Variants in PDE11A observed in about 807,000 individuals in gnomAD.
The protein encoded by PDE11A is dual 3',5'-cyclic-AMP and -GMP phosphodiesterase 11A.
Under a neutral mutation model 100.5 loss-of-function variants are expected in PDE11A, and 100 were observed. The ratio of observed to expected loss-of-function variants is 1.00; its 90% confidence interval spans 0.85 to 1.18. The LOEUF is 1.18. Ranked by LOEUF, PDE11A falls within the 50% of genes most tolerant of loss-of-function variation. The pLI is 0.00. For synonymous variants in PDE11A, 381 were observed against 420.8 expected (o/e 0.91, Z 1.16); for missense variants, 1,141 against 1,152.6 (o/e 0.99, Z 0.15).
In PDE11A at chr2:178,072,283, C is replaced by G. The variant is rs77972073; in HGVS notation, c.155G>C (p.Arg52Thr). ...GCTGCTGGTACCAGCCAAAGAGGGC[C>G]TTGGACCTAAAGCCCCCTGACCCTG... ...HSQGQGALGPRPSLAGTSSLA... is the reference protein window; with the variant it reads ...HSQGQGALGPTPSLAGTSSLA... The change falls in exon 1 of 20, where the codon AGG becomes ACG. Residue 52 changes from arginine to threonine, a missense_variant. Transcript: ENST00000286063. 2.1e-3 allele frequency: 3,359 copies of G among 1,613,918 alleles called. 6 individuals carry two copies. The highest frequency in any genetic ancestry group is 2.6e-3 in the Non-Finnish European group (3,095 of 1,179,898).
chr2:177,727,781 G>A lies in PDE11A; in HGVS notation c.1936-16C>T, dbSNP rs780853421. 6.8e-7 allele frequency: 1 copy of A among 1,462,210 alleles called. No individual in the cohort carries two copies. The highest frequency in any genetic ancestry group is 1.7e-5 in the Admixed American group (1 of 59,784). 90.6% of individuals were successfully genotyped at this position (1,462,210 alleles called of 1,614,324 possible). ...TACACAGTGTCTGAAATGGGAGGGA[G>A]AGGGTGCGTCAGGCAGTTGTAAGTG... On this transcript the variant is annotated splice_polypyrimidine_tract_variant and intron_variant, in intron 11 of 19. Transcript: ENST00000286063.
At chr2:178,099,446 G>GAAAAA (rs201692711) in intron 2 of PDE11A, among the ~76,000 whole-genome samples, 3 of 84,544 alleles carry the variant, frequency 3.5e-5, no homozygotes, top group Non-Finnish European at 7.1e-5. Context: ...CATCTCAAGA[G>GAAAAA]AAAAAAAAAA....
At chr2:178,098,458 A>G (rs1045934657) in intron 2 of PDE11A, among the ~76,000 whole-genome samples, 2 of 152,340 alleles carry the variant, frequency 1.3e-5, no homozygotes, top group South Asian at 2.1e-4. Context: ...AACAACATAC[A>G]TAAGTGGTAA....
At chr2:177,924,739 T>A (rs965717084) in intron 2 of PDE11A, among the ~76,000 whole-genome samples, 50 of 152,012 alleles carry the variant, frequency 3.3e-4, no homozygotes, top group Admixed American at 5.9e-4. Context: ...TTTTTTTTTT[T>A]TTATTATACT....
intron 1 of PDE11A, among the ~76,000 whole-genome samples, chr2:178,036,313 A>AC (rs1354638879): frequency 1.5e-3 from 222 of 152,168 alleles, no homozygotes; most frequent in Non-Finnish European, 1.9e-3. Context: ...AATACAACTT[A>AC]AAGGGACGTG....
At chr2:177,825,366 C>T (rs567437804) in intron 6 of PDE11A, among the ~76,000 whole-genome samples, 1 of 152,242 alleles carries the variant, frequency 6.6e-6, no homozygotes, top group Non-Finnish European at 1.5e-5. Context: ...TGGTGATGAT[C>T]AACATGCTTG....
chr2:177,954,316 T>C (rs2085535584), intron 2 of PDE11A, among the ~76,000 whole-genome samples: 1 of 152,110 alleles, frequency 6.6e-6, no homozygotes, highest in Non-Finnish European at 1.5e-5. Flanking sequence ...ATTACTCATT[T>C]CCATCATTCT....
chr2:177,859,649 C>G (rs1301093469), intron 5 of PDE11A, among the ~76,000 whole-genome samples: 1 of 151,596 alleles, frequency 6.6e-6, no homozygotes, highest in Admixed American at 6.6e-5. Context: ...AGCACTCCAC[C>G]TAATGGCAGA....
chr2:178,026,516 C>T (rs1285400807), intron 1 of PDE11A, among the ~76,000 whole-genome samples: 1 of 151,902 alleles, frequency 6.6e-6, no homozygotes, highest in Admixed American at 6.6e-5. Context: ...CAAAAATTAG[C>T]TGGGCGTGAT....
chr2:177,939,529 G>GAGGA (rs72249265), intron 2 of PDE11A, among the ~76,000 whole-genome samples: 21,802 of 100,158 alleles, frequency 0.22, 2,557 homozygotes, highest in Non-Finnish European at 0.26. Flanking sequence ...GGGAGGGAGG[G>GAGGA]AGGAAGGAAG....
chr2:177,771,466 C>T (rs905064344), intron 9 of PDE11A, among the ~76,000 whole-genome samples: 7 of 152,140 alleles, frequency 4.6e-5, no homozygotes, highest in African/African-American at 9.7e-5. Flanking sequence ...CAGGCTGCCA[C>T]GCCTCCACTT....
intron 9 of PDE11A, among the ~76,000 whole-genome samples, chr2:177,813,834 G>GA (rs112563682): frequency 4.3e-4 from 64 of 147,466 alleles, no homozygotes; most frequent in African/African-American, 9.8e-4. Flanking sequence ...TTGCTAACCG[G>GA]AAAAAAAAAA....
intron 1 of PDE11A, among the ~76,000 whole-genome samples, chr2:178,035,527 G>C (rs1460181803): frequency 6.6e-6 from 1 of 152,182 alleles, no homozygotes; most frequent in Non-Finnish European, 1.5e-5. Flanking sequence ...CTCATTTTAT[G>C]AGGCCAGCAT....
At chr2:178,058,406 A>G (rs2086925761) in intron 1 of PDE11A, among the ~76,000 whole-genome samples, 1 of 152,156 alleles carries the variant, frequency 6.6e-6, no homozygotes, top group Non-Finnish European at 1.5e-5. Context: ...ATAGTGAATG[A>G]GTCTTCCAAG....
rs571510969 is a variant in PDE11A at position 177,747,178 on chromosome 2, T to C, written c.1789-19006A>G. ...TATAACAGTACTCTGAGGGTAGGAT[T>C]CTCACTAGTAGAGAAGAAAGTAAAG... is the stretch of plus-strand genomic sequence containing the variant. On this transcript the variant is annotated intron_variant, in intron 10 of 19. Coordinates refer to ENST00000286063, the MANE Select transcript of PDE11A (RefSeq NM_016953.4). 3.9e-5 allele frequency among the ~76,000 whole-genome samples: 6 copies of C among 152,310 alleles called. No individual in the cohort carries two copies. In the South Asian group the frequency reaches 1.2e-3, roughly 32 times the overall value.
intron 2 of PDE11A, among the ~76,000 whole-genome samples, chr2:178,102,791 T>G (rs2087575778): frequency 6.6e-6 from 1 of 152,180 alleles, no homozygotes; most frequent in African/African-American, 2.4e-5. Context: ...AAAGATATGT[T>G]GAGGTCCTAA....
chr2:178,048,924 G>A (rs2086786983), intron 1 of PDE11A, among the ~76,000 whole-genome samples: 1 of 152,198 alleles, frequency 6.6e-6, no homozygotes, highest in South Asian at 2.1e-4. Flanking sequence ...GGGAGGAACA[G>A]TGGGAGAGGA....
chr2:177,819,695 T>G (rs1224196771), intron 7 of PDE11A, among the ~76,000 whole-genome samples: 2 of 152,020 alleles, frequency 1.3e-5, no homozygotes, highest in African/African-American at 2.4e-5. Flanking sequence ...ATGTCCAATA[T>G]AGAATGTTAT....
At chr2:177,632,712 T>G (rs1287320968) in intron 19 of PDE11A, among the ~76,000 whole-genome samples, 2 of 152,186 alleles carry the variant, frequency 1.3e-5, no homozygotes, top group African/African-American at 4.8e-5. Context: ...TTCACTTTAT[T>G]TCCCCTTTTC....
Sources: gnomAD v4.1 joint callset for allele counts (sites outside exome capture counted in the v4.1 genomes callset) on GRCh38, gnomAD v4.1.1 for gene constraint, MANE v1.5 for transcripts, NCBI Gene and HGNC (gene_info 2026-07-23, HGNC 2026-07-21) for gene names.